The following GPC6 variants were observed in gnomAD, a reference collection of about 807,000 sequenced individuals.
GPC6 encodes the protein glypican 6, also known as glypican-6.
Under a neutral mutation model 55.2 loss-of-function variants are expected in GPC6, and 14 were observed. The ratio of observed to expected loss-of-function variants is 0.25; its 90% CI spans 0.17 to 0.40. The LOEUF is 0.40. Among genes scored for constraint, GPC6 ranks in the 10% least tolerant of loss-of-function variants. The probability of loss-of-function intolerance (pLI) is 1.00; values close to 1 mark genes in which losing one functional copy is unlikely to be tolerated. For missense variants in GPC6, 641 were observed against 708.5 expected, an observed-to-expected ratio of 0.90 and a Z score of 1.08; for synonymous variants, 278 against 259.6, an observed-to-expected ratio of 1.07 and a Z score of -0.68.
chr13:94,036,715 C>T (rs1212711313), intron 4 of GPC6, among the ~76,000 whole-genome samples: 1 of 151,978 alleles, frequency 6.6e-6, no homozygotes, highest in African/African-American at 2.4e-5. Context: ...CTGAATGAAT[C>T]CCGGCAGTGA....
intron 3 of GPC6, among the ~76,000 whole-genome samples, chr13:93,993,959 CTTTAT>C (rs1323803642): frequency 6.6e-6 from 1 of 152,166 alleles, no homozygotes; most frequent in Non-Finnish European, 1.5e-5. Context: ...AGATAAGCCA[CTTTAT>C]TTTGTTTCCC....
At chr13:93,374,548 G>C (rs1295487831) in intron 1 of GPC6, among the ~76,000 whole-genome samples, 1 of 152,212 alleles carries the variant, frequency 6.6e-6, no homozygotes, top group Non-Finnish European at 1.5e-5. Context: ...GGGCAGACGG[G>C]AGAGAAGACA....
chr13:93,891,894 A>G (rs545521019), intron 3 of GPC6, among the ~76,000 whole-genome samples: 5 of 151,306 alleles, frequency 3.3e-5, no homozygotes, highest in Admixed American at 2.0e-4. Context: ...TATTGTGTGT[A>G]TAGTGTGTGT....
At chr13:94,080,018 A>C (rs1885050268) in intron 4 of GPC6, among the ~76,000 whole-genome samples, 1 of 152,182 alleles carries the variant, frequency 6.6e-6, no homozygotes, top group Non-Finnish European at 1.5e-5. Context: ...GCCATAAATG[A>C]TACCATGTGT....
chr13:94,371,438 A>G (rs1337399890), intron 6 of GPC6, among the ~76,000 whole-genome samples: 1 of 152,158 alleles, frequency 6.6e-6, no homozygotes, highest in Non-Finnish European at 1.5e-5. Flanking sequence ...CAGCATCTGC[A>G]TTTGAATTTG....
chr13:93,928,313 C>G (rs912936349), intron 3 of GPC6, among the ~76,000 whole-genome samples: 3 of 152,116 alleles, frequency 2.0e-5, no homozygotes, highest in African/African-American at 7.2e-5. Context: ...ATGTATTTTT[C>G]AACTACAGTC....
chr13:93,545,674 A>G (rs1374738135), intron 2 of GPC6, among the ~76,000 whole-genome samples: 1 of 152,078 alleles, frequency 6.6e-6, no homozygotes, highest in East Asian at 1.9e-4. Flanking sequence ...TTTATTGTAA[A>G]GATTTAGCTC....
intron 4 of GPC6, among the ~76,000 whole-genome samples, chr13:94,089,588 A>G (rs778827398): frequency 1.3e-5 from 2 of 150,358 alleles, no homozygotes; most frequent in Non-Finnish European, 3.0e-5. Context: ...TAGGAACACT[A>G]CATAGCACTT....
intron 6 of GPC6, among the ~76,000 whole-genome samples, chr13:94,374,400 G>A (rs2139197170): frequency 1.3e-5 from 2 of 149,788 alleles, no homozygotes; most frequent in South Asian, 4.4e-4. Flanking sequence ...ACAAAAAAAG[G>A]CAGGGGTTGC....
rs867631767 is a variant in GPC6 at position 94,375,610 on chromosome 13, A to G, written c.1153-6804A>G. 9.3e-4 allele frequency among the ~76,000 whole-genome samples: 140 copies of G among 150,858 alleles called. 2 individuals carry two copies. The highest frequency in any genetic ancestry group is 6.7e-3 in the Admixed American group (102 of 15,154). On this transcript the variant is annotated intron_variant, in intron 6 of 8. Transcript: ENST00000377047. ...CCAGATGGATTCACAGCCGAATTCT[A>G]CCAGAGGTACAAGGAGGAACTGGTA...
At chr13:93,592,393 TAATATATAAATATA>T (rs1566440024) in intron 2 of GPC6, among the ~76,000 whole-genome samples, 2 of 141,180 alleles carry the variant, frequency 1.4e-5, no homozygotes, top group African/African-American at 5.6e-5. Flanking sequence ...CAATATATAT[TAATATATAAATATA>T]AATATATAAA....
chr13:93,304,471 T>G (rs562749040), intron 1 of GPC6, among the ~76,000 whole-genome samples: 1 of 152,334 alleles, frequency 6.6e-6, no homozygotes, highest in South Asian at 2.1e-4. Flanking sequence ...CACATTTACC[T>G]CTGTCTTAAC....
intron 2 of GPC6, among the ~76,000 whole-genome samples, chr13:93,795,204 T>C (rs142646586): frequency 2.4e-3 from 371 of 152,296 alleles, no homozygotes; most frequent in Middle Eastern, 0.014. Flanking sequence ...TAAAAAAAGA[T>C]CGTGGGGAGA....
chr13:93,222,376 T>C (rs1875649056), upstream of GPC6, among the ~76,000 whole-genome samples: 1 of 152,228 alleles, frequency 6.6e-6, no homozygotes, highest in Non-Finnish European at 1.5e-5. Context: ...TTTTAGAAAC[T>C]TCTGGAAAGC....
At chr13:93,871,191 C>T (rs933803286) in intron 3 of GPC6, among the ~76,000 whole-genome samples, 10 of 151,934 alleles carry the variant, frequency 6.6e-5, no homozygotes, top group African/African-American at 2.2e-4. Flanking sequence ...TGAATTCTGA[C>T]TTTGTCACTT....
chr13:94,392,491 G>A (rs940144802), intron 7 of GPC6, among the ~76,000 whole-genome samples: 5 of 142,714 alleles, frequency 3.5e-5, no homozygotes, highest in Admixed American at 7.5e-5. Context: ...TGCAATGGCC[G>A]TGATCTCAGC....
chr13:94,372,221 G>C (rs529779688), intron 6 of GPC6, among the ~76,000 whole-genome samples: 77 of 152,268 alleles, frequency 5.1e-4, no homozygotes, highest in African/African-American at 1.9e-3. Context: ...CAAGATGGCC[G>C]AATAGGAACA....
intron 4 of GPC6, among the ~76,000 whole-genome samples, chr13:94,073,460 G>C (rs1884805955): frequency 6.6e-6 from 1 of 152,184 alleles, no homozygotes; most frequent in Non-Finnish European, 1.5e-5. Flanking sequence ...TTAAGGGGCT[G>C]TTGGATATGT....
chr13:94,259,427 G>A (rs1891594451), intron 4 of GPC6, among the ~76,000 whole-genome samples: 1 of 152,234 alleles, frequency 6.6e-6, no homozygotes, highest in Admixed American at 6.5e-5. Context: ...GATCCAGTTA[G>A]ACAACTCTAG....
Sources: allele counts gnomAD v4.1 joint callset (sites outside exome capture counted in the v4.1 genomes callset), GRCh38; gene constraint gnomAD v4.1.1; transcripts MANE v1.5; gene names NCBI Gene and HGNC (gene_info 2026-07-23, HGNC 2026-07-21).